The following KCNH6 variants were observed in gnomAD, a reference collection of about 807,000 sequenced individuals.
KCNH6 encodes the protein voltage-gated inwardly rectifying potassium channel KCNH6.
In KCNH6, 81 loss-of-function variants were observed where a neutral mutation model predicts 83.4. The observed-to-expected ratio is 0.97, with a 90% CI of 0.81 to 1.17. KCNH6 has a LOEUF of 1.17. Among genes scored for constraint, KCNH6 ranks in the 50% most tolerant of loss-of-function variants. The pLI, the probability that KCNH6 is intolerant of heterozygous loss-of-function variation, is 0.00. For synonymous variants in KCNH6, 503 were observed against 545.6 expected (o/e 0.92, Z 1.09); for missense variants, 1,203 against 1,290.5 (o/e 0.93, Z 1.04).
In KCNH6 at chr17:63,545,087, C is replaced by T; in HGVS notation, c.2406C>T (p.Ser802=). The change falls in exon 12 of 13, where the codon TCC becomes TCT. Residue 802 remains serine, a synonymous_variant. Coordinates refer to ENST00000314672, the MANE Select transcript of KCNH6 (RefSeq NM_001278919.2). ...GGGTTCTGTCTGGCAGGCTGGAGTC[C>T]CGCGTGTCCTCAGACCTCAGCCGCA... ...QLQAQMNRLE[S]RVSSDLSRIL... The T allele has an allele frequency of 1.2e-6, 2 of 1,612,964 alleles. No individual in the cohort carries two copies. Among genetic ancestry groups the T allele is most frequent in the South Asian group, 1.1e-5 (1 of 91,090 alleles).
At position 63,524,184 on chromosome 17, in the gene KCNH6, T is replaced by G. The variant is rs752871045; in HGVS notation, c.122T>G (p.Ile41Ser). The change falls in exon 2 of 13, where the codon ATC becomes AGC. Residue 41 changes from isoleucine to serine, a missense_variant. Coordinates refer to ENST00000314672, the MANE Select transcript of KCNH6 (RefSeq NM_001278919.2). Reference protein sequence around the residue: ...IANAQMENCAIIYCNDGFCEL... With the variant: ...IANAQMENCASIYCNDGFCEL... ...AATGCTCAGATGGAGAACTGCGCCATCATTTACTGCAACGACGGCTTCTGC... is the reference window on the plus strand; with the variant it reads ...AATGCTCAGATGGAGAACTGCGCCAGCATTTACTGCAACGACGGCTTCTGC... 3.1e-6 allele frequency: 5 copies of G among 1,614,132 alleles called. No individual in the cohort carries two copies. In the Middle Eastern group the frequency reaches 6.6e-4, roughly 213 times the overall value.
chr17:63,544,266 A>G lies in KCNH6; in HGVS notation c.2251A>G (p.Ser751Gly), dbSNP rs2033033159. Residue 751 changes from serine to glycine, a missense_variant, in exon 11 of 13, where the codon AGC becomes GGC. By Grantham distance (56) the Ser-to-Gly change is moderately conservative. Transcript: ENST00000314672. Reference protein sequence around the residue: ...DNQSDAAPPLSISDASGLWPE... With the variant: ...DNQSDAAPPLGISDASGLWPE... Reference sequence around the variant, plus strand: ...TCCTGCAGATGCAGCCCCTCCCCTGAGCATCTCAGATGCATCTGGCCTCTG... The same window carrying G: ...TCCTGCAGATGCAGCCCCTCCCCTGGGCATCTCAGATGCATCTGGCCTCTG... The G allele has an allele frequency of 6.3e-7, 1 of 1,590,998 alleles. No individual in the cohort carries two copies. The highest frequency in any genetic ancestry group is 1.3e-5 in the African/African-American group (1 of 74,296).
rs565389497 is a variant in KCNH6, at chr17:63,542,420, T to C, written c.2134T>C (p.Phe712Leu). ...CTTCTGGAGTAAGCTGGAGGTCACCTTCAACCTGCGGGACGTGAGTCAGGG... is the reference window on the plus strand; with the variant it reads ...CTTCTGGAGTAAGCTGGAGGTCACCCTCAACCTGCGGGACGTGAGTCAGGG... The part of the protein sequence containing the change: ...ESFWSKLEVT[F>L]NLRDAAGGLH... The change falls in exon 9 of 13, where the codon TTC becomes CTC. Residue 712 changes from phenylalanine (F) to leucine (L), a missense_variant. By Grantham distance (22) the Phe-to-Leu change is conservative. Transcript: ENST00000314672. 6.8e-6 allele frequency: 11 copies of C among 1,613,944 alleles called. No homozygotes were observed. The African/African-American group carries it at 1.3e-4, about 20-fold the overall frequency.
intron 11 of KCNH6, 101 bp from the exon 12 acceptor site, chr17:63,544,977 T>C (rs1165455305): frequency 1.2e-5 from 15 of 1,209,412 alleles, no homozygotes; most frequent in East Asian, 7.0e-5. Flanking sequence ...CAGGCCGCCA[T>C]TCCATCTAGC....
chr17:63,524,484 C>T (rs2031568497), intron 2 of KCNH6, 115 bp downstream of exon 2: 2 of 778,362 alleles, frequency 2.6e-6, no homozygotes, highest in South Asian at 1.7e-5. Context: ...TGAACAAACC[C>T]TGTTTCTTCT....
chr17:63,526,625 G>A (rs1465147744), intron 2 of KCNH6, among the ~76,000 whole-genome samples: 1 of 151,956 alleles, frequency 6.6e-6, no homozygotes, highest in Non-Finnish European at 1.5e-5. Flanking sequence ...CCTGCTGAGG[G>A]GCATCCTAAT....
intron 9 of KCNH6, 25 bp from the exon 10 acceptor site, chr17:63,543,551 A>C (rs772385510): frequency 1.3e-6 from 2 of 1,524,560 alleles, no homozygotes; most frequent in South Asian, 2.2e-5. Flanking sequence ...GGTTCCTGTT[A>C]TTTCACCCTC....
At chr17:63,527,906 C>A (rs952092319) in intron 2 of KCNH6, among the ~76,000 whole-genome samples, 1 of 152,274 alleles carries the variant, frequency 6.6e-6, no homozygotes, top group East Asian at 1.9e-4. Context: ...CACGCACTGG[C>A]ACCCCACCCC....
intron 2 of KCNH6, among the ~76,000 whole-genome samples, chr17:63,529,393 G>A (rs564096763): frequency 9.2e-5 from 14 of 152,312 alleles, no homozygotes; most frequent in Admixed American, 8.5e-4. Flanking sequence ...CTCCTCCTAG[G>A]CCCAGAGCAG....
intron 2 of KCNH6, among the ~76,000 whole-genome samples, chr17:63,526,558 A>G (rs1202802725): frequency 2.0e-5 from 3 of 151,776 alleles, no homozygotes; most frequent in Non-Finnish European, 2.9e-5. Context: ...GGGTCTCACT[A>G]TGTTGCCCAG....
chr17:63,544,942 T>C, intron 11 of KCNH6, 136 bp from the exon 12 acceptor site: 5 of 834,674 alleles, frequency 6.0e-6, no homozygotes, highest in Admixed American at 4.0e-5. Context: ...TGGATCCCAG[T>C]AAGGAAATAG....
At chr17:63,531,653 C>G (rs759965899) in intron 4 of KCNH6, among the ~76,000 whole-genome samples, 5 of 152,254 alleles carry the variant, frequency 3.3e-5, no homozygotes, top group Non-Finnish European at 7.3e-5. Flanking sequence ...ACTGTGTCCT[C>G]TGAGGTCAGG....
Position 63,533,839 on chromosome 17 carries a change from C to T in KCNH6, c.676-47C>T, listed in dbSNP as rs2032280283. The T allele has an allele frequency of 1.3e-6, 2 of 1,567,396 alleles. No individual in the cohort carries two copies. The highest frequency in any genetic ancestry group is 1.3e-5 in the African/African-American group (1 of 74,440). ...CCTCAGCCCTCTAGGCCAGTCTCAC[C>T]AGCAGTGGCTGCCCCGTGCCTGACC... On this transcript the variant is annotated intron_variant, in intron 4 of 12. Transcript: ENST00000314672. The surrounding 1 kb of genome is among the most constrained non-coding windows in gnomAD (Gnocchi z 4.1).
chr17:63,532,331 G>T (rs2147659884), intron 4 of KCNH6, among the ~76,000 whole-genome samples: 1 of 152,300 alleles, frequency 6.6e-6, no homozygotes, highest in South Asian at 2.1e-4. Flanking sequence ...AGCTGCTCCT[G>T]ATCAGAGCCC....
In KCNH6 at chr17:63,533,471, G is replaced by A. The variant is rs2032255815; in HGVS notation, c.676-415G>A. On this transcript the variant is annotated intron_variant, in intron 4 of 12. Transcript: ENST00000314672. This position sits in a 1 kb window ranked among gnomAD's most constrained non-coding sequence, Gnocchi z 4.1. ...CCATCAGGAACCCTGACCATAGGGA[G>A]CCTCCTAAGCTCACCAGAGAGGATC... 6.6e-6 allele frequency among the ~76,000 whole-genome samples: 1 copy of A among 152,022 alleles called. No homozygotes were observed. The highest frequency in any genetic ancestry group is 1.5e-5 in the Non-Finnish European group (1 of 67,970).
rs754706751 is a variant in KCNH6 at position 63,544,220 on chromosome 17, C to A, written c.2234-29C>A. On this transcript the variant is annotated intron_variant, in intron 10 of 12. Coordinates refer to ENST00000314672, the MANE Select transcript of KCNH6 (RefSeq NM_001278919.2). Reference sequence around the variant, plus strand: ...TCAGGCCTGTGGAACCAGCTAGGCCCAGCTGAGACTTCCCTTTCCCTCCTG... The same window carrying A: ...TCAGGCCTGTGGAACCAGCTAGGCCAAGCTGAGACTTCCCTTTCCCTCCTG... 10 of 1,589,406 alleles carry A rather than the reference C, an allele frequency of 6.3e-6. No individual in the cohort carries two copies. In the South Asian group the frequency reaches 6.7e-5, roughly 11 times the overall value.
intron 6 of KCNH6, among the ~76,000 whole-genome samples, chr17:63,537,689 G>A (rs1352235465): frequency 2.0e-5 from 3 of 152,234 alleles, no homozygotes; most frequent in African/African-American, 4.8e-5. Context: ...TGCCCACCTC[G>A]GCCTCCCAAA....
intron 11 of KCNH6, among the ~76,000 whole-genome samples, 174 bp from the exon 12 acceptor site, chr17:63,544,904 G>A (rs751583137): frequency 2.0e-5 from 3 of 152,148 alleles, no homozygotes; most frequent in Non-Finnish European, 4.4e-5. Flanking sequence ...AGTCAGGGGT[G>A]TACCAGGGGG....
chr17:63,544,089 G>A, intron 10 of KCNH6, 160 bp from the exon 11 acceptor site: 3 of 1,609,614 alleles, frequency 1.9e-6, no homozygotes, highest in Non-Finnish European at 2.5e-6. Flanking sequence ...GAACTCCATG[G>A]GGGCAGGACC....
Sources: gnomAD v4.1 joint callset for allele counts (sites outside exome capture counted in the v4.1 genomes callset) on GRCh38, gnomAD v4.1.1 for gene constraint, Gnocchi (gnomAD v3.1) non-coding constraint, MANE v1.5 for transcripts, NCBI Gene and HGNC (gene_info 2026-07-23, HGNC 2026-07-21) for gene names.